ERICH2: variants seen among roughly 807,000 people sequenced by gnomAD.
ERICH2 encodes glutamate-rich protein 2.
ERICH2 carries 17 observed loss-of-function variants against 17.4 expected under a neutral mutation model. The ratio of observed to expected loss-of-function variants is 0.98; its 90% CI spans 0.67 to 1.47. The LOEUF (loss-of-function observed/expected upper bound fraction) is 1.47. Among genes scored for constraint, ERICH2 ranks in the 40% most tolerant of loss-of-function variants. The pLI is 0.00. For missense variants in ERICH2, 186 were observed against 183.2 expected, an observed-to-expected ratio of 1.01 and a Z score of -0.09; for synonymous variants, 51 against 61.1, an observed-to-expected ratio of 0.83 and a Z score of 0.77.
exon 3 of ERICH2, chr2:170,792,893 C>A: frequency 2.0e-6 from 3 of 1,513,968 alleles, no homozygotes; most frequent in Non-Finnish European, 1.8e-6. Flanking sequence ...CCGAGAGTAC[C>A]AGCTGGCAAA....
At chr2:170,785,050 A>G (rs930279234) in intron 2 of ERICH2, among the ~76,000 whole-genome samples, 2 of 152,166 alleles carry the variant, frequency 1.3e-5, no homozygotes, top group African/African-American at 4.8e-5. Context: ...AATAAATTCT[A>G]GTATTCAGTA....
chr2:170,795,566 T>C lies in ERICH2; in HGVS notation c.275-2475T>C, dbSNP rs149206060. ...TTTCACCACATTGCCCAGGTTGGTC[T>C]CAAACTCCTGGGCTCAAGGATCCTT... On this transcript the variant is annotated intron_variant, in intron 3 of 4. Coordinates refer to ENST00000409885, the Ensembl canonical transcript of ERICH2. Among the ~76,000 whole-genome samples the C allele has an allele frequency of 7.9e-4, 121 of 152,260 alleles. 1 individual carries two copies. The highest frequency in any genetic ancestry group is 2.8e-3 in the African/African-American group (116 of 41,556).
the ERICH2 span, chr2:170,777,804 T>G: frequency 1.9e-6 from 1 of 514,044 alleles, no homozygotes; most frequent in Non-Finnish European, 3.0e-6. Context: ...GGATTAGCAC[T>G]TCAGCTTTTG....
upstream of ERICH2, among the ~76,000 whole-genome samples, chr2:170,782,550 G>A (rs1701053686): frequency 6.6e-6 from 1 of 152,180 alleles, no homozygotes; most frequent in South Asian, 2.1e-4. Context: ...ATTCAGCCAG[G>A]TATGAGATCC....
chr2:170,790,833 T>A (rs1016087577), intron 2 of ERICH2, among the ~76,000 whole-genome samples: 1 of 151,628 alleles, frequency 6.6e-6, no homozygotes, highest in African/African-American at 2.4e-5. Flanking sequence ...TAAAAACTAT[T>A]TGGAAAATAG....
chr2:170,784,566 G>A (rs1392585292), intron 1 of ERICH2, 80 bp from the exon 7 acceptor site: 2 of 683,122 alleles, frequency 2.9e-6, no homozygotes, highest in Admixed American at 7.4e-5. Context: ...TCAGTTTAAT[G>A]AATAGTAATA....
chr2:170,774,604 C>A, the ERICH2 span, among the ~76,000 whole-genome samples: 1 of 135,878 alleles, frequency 7.4e-6, no homozygotes, highest in Non-Finnish European at 1.5e-5. Context: ...CTCACTCTGT[C>A]ACCCAGGCTG....
upstream of ERICH2, among the ~76,000 whole-genome samples, chr2:170,782,038 T>C (rs1347112598): frequency 6.6e-6 from 1 of 152,244 alleles, no homozygotes; most frequent in African/African-American, 2.4e-5. Context: ...TGTTATACGA[T>C]AACAAATGCC....
At chr2:170,798,977 A>C, downstream of ERICH2, 3 of 1,454,228 alleles carry the variant, frequency 2.1e-6, no homozygotes, top group South Asian at 3.9e-5. Context: ...TTTTAGTCTA[A>C]TTCTTCCTTA....
At chr2:170,783,647 G>C (rs915847225), upstream of ERICH2, 2 of 673,508 alleles carry the variant, frequency 3.0e-6, no homozygotes, top group Admixed American at 2.7e-5. Context: ...CTCCTGGAGA[G>C]AGGACTGCTT....
intron 2 of ERICH2, among the ~76,000 whole-genome samples, chr2:170,787,793 C>T (rs1356501105): frequency 6.6e-6 from 1 of 151,676 alleles, no homozygotes; most frequent in Non-Finnish European, 1.5e-5. Context: ...CTCATGCTGG[C>T]CCCTGGAAAC....
At chr2:170,798,851 A>T in exon 5 of ERICH2, 2 of 1,550,672 alleles carry the variant, frequency 1.3e-6, no homozygotes, top group Non-Finnish European at 1.7e-6. Flanking sequence ...AGCGATGAGG[A>T]GCTGAGTGAC....
At chr2:170,795,071 C>T (rs1050571381) in intron 3 of ERICH2, among the ~76,000 whole-genome samples, 19 of 149,102 alleles carry the variant, frequency 1.3e-4, no homozygotes, top group Non-Finnish European at 2.2e-4. Flanking sequence ...GTCTCAATCT[C>T]CCAGCTCAGG....
intron 2 of ERICH2, among the ~76,000 whole-genome samples, chr2:170,789,379 C>T (rs990563387): frequency 1.3e-5 from 2 of 152,122 alleles, no homozygotes; most frequent in African/African-American, 2.4e-5. Flanking sequence ...AACACTATAT[C>T]CTTATCACAA....
chr2:170,784,592 T>C (rs1701107650), intron 1 of ERICH2, 54 bp from the exon 7 acceptor site: 3 of 1,204,848 alleles, frequency 2.5e-6, no homozygotes, highest in South Asian at 2.2e-5. Flanking sequence ...TGGCAAAATT[T>C]AATTTGCGAA....
chr2:170,784,600 G>A (rs1011614659), intron 1 of ERICH2, 46 bp from the exon 7 acceptor site: 40 of 1,267,488 alleles, frequency 3.2e-5, no homozygotes, highest in Admixed American at 3.1e-4. Flanking sequence ...TTTAATTTGC[G>A]AACTTTTCGA....
chr2:170,793,134 G>A (rs3764915), intron 3 of ERICH2, among the ~76,000 whole-genome samples: 57,573 of 151,964 alleles, frequency 0.38, 11,703 homozygotes, highest in East Asian at 0.57. Flanking sequence ...AACTAGCATC[G>A]GCTAATTACC....
intron 4 of ERICH2, 127 bp downstream of exon 9, chr2:170,798,239 TTAAATGGTTTA>T: frequency 1.5e-6 from 1 of 683,838 alleles, no homozygotes; most frequent in Non-Finnish European, 2.5e-6. Context: ...AATGGCTGTC[TTAAATGGTTTA>T]GTGAAACAGC....
intron 2 of ERICH2, among the ~76,000 whole-genome samples, chr2:170,792,111 A>G (rs866121528): frequency 2.0e-5 from 3 of 152,236 alleles, no homozygotes; most frequent in Non-Finnish European, 4.4e-5. Flanking sequence ...TTGTAGCCTA[A>G]GTAAGTAAAA....
Sources: allele counts gnomAD v4.1 joint callset (sites outside exome capture counted in the v4.1 genomes callset), GRCh38; gene constraint gnomAD v4.1.1; transcripts MANE v1.5; gene names NCBI Gene and HGNC (gene_info 2026-07-23, HGNC 2026-07-21).